FBXO31: variants seen among roughly 807,000 people sequenced by gnomAD.
FBXO31 encodes the protein F-box only protein 31.
FBXO31 carries 24 observed loss-of-function variants against 54.4 expected under a neutral mutation model. That is an observed-to-expected ratio of 0.44 (90% CI 0.32 to 0.62). The LOEUF (loss-of-function observed/expected upper bound fraction) is 0.62. Among genes scored for constraint, FBXO31 ranks in the 20% least tolerant of loss-of-function variants. The pLI, the probability that FBXO31 is intolerant of heterozygous loss-of-function variation, is 0.05. For synonymous variants in FBXO31, 388 were observed against 335.6 expected (o/e 1.16, Z -1.71); for missense variants, 665 against 787.1 (o/e 0.84, Z 1.86).
chr16:87,356,701 G>C (rs1233650354), intron 2 of FBXO31, among the ~76,000 whole-genome samples: 1 of 152,190 alleles, frequency 6.6e-6, no homozygotes, highest in Non-Finnish European at 1.5e-5. Flanking sequence ...AGGACATTAG[G>C]TGAAATTACT....
intron 1 of FBXO31, among the ~76,000 whole-genome samples, chr16:87,382,585 C>T (rs1680152450): frequency 6.6e-6 from 1 of 152,310 alleles, no homozygotes. Context: ...TCTACGCCCC[C>T]ACCATCAGGA....
chr16:87,380,703 G>A lies in FBXO31; in HGVS notation c.340+2702C>T, dbSNP rs1478408203. Among the ~76,000 whole-genome samples, 3 of 152,310 alleles carry A rather than the reference G, an allele frequency of 2.0e-5. No homozygotes were observed. In the East Asian group the frequency reaches 5.8e-4, roughly 29 times the overall value. On this transcript the variant is annotated intron_variant, in intron 1 of 8. Transcript: ENST00000311635. ...ATTCTCACGTTAGCAGGTCACTTGG[G>A]TGAACAAGATGCTTTCATTCTACAT...
intron 3 of FBXO31, among the ~76,000 whole-genome samples, chr16:87,344,721 G>A (rs1051013923): frequency 3.9e-5 from 6 of 151,972 alleles, no homozygotes; most frequent in African/African-American, 1.5e-4. Context: ...AAAGCAATCT[G>A]CCCACCCTGT....
chr16:87,387,199 C>A (rs983618603), upstream of FBXO31, among the ~76,000 whole-genome samples: 2 of 152,016 alleles, frequency 1.3e-5, no homozygotes, highest in Non-Finnish European at 2.9e-5. Context: ...TGGGAAGGAA[C>A]CCAAGGGGAA....
intron 1 of FBXO31, among the ~76,000 whole-genome samples, chr16:87,377,098 G>A (rs181851268): frequency 2.0e-5 from 3 of 152,354 alleles, no homozygotes; most frequent in Admixed American, 6.5e-5. Context: ...TAACTTTGGG[G>A]TGTAAACTGA....
chr16:87,354,975 A>C (rs1180646923), intron 2 of FBXO31, among the ~76,000 whole-genome samples: 1 of 152,208 alleles, frequency 6.6e-6, no homozygotes, highest in African/African-American at 2.4e-5. Context: ...TCTCAAAAAA[A>C]TAAAAATAAA....
chr16:87,337,448 T>G (rs1484241045), intron 5 of FBXO31, among the ~76,000 whole-genome samples: 1 of 152,148 alleles, frequency 6.6e-6, no homozygotes, highest in Non-Finnish European at 1.5e-5. Context: ...CTGAAATTCC[T>G]ACGGAAAAGC....
At chr16:87,348,478 C>G (rs1350697071) in intron 2 of FBXO31, among the ~76,000 whole-genome samples, 2 of 152,188 alleles carry the variant, frequency 1.3e-5, no homozygotes, top group Non-Finnish European at 2.9e-5. Flanking sequence ...GCCTGGGCCC[C>G]CTAATGGTAG....
intron 2 of FBXO31, among the ~76,000 whole-genome samples, chr16:87,349,346 C>T (rs1423250230): frequency 6.6e-6 from 1 of 152,180 alleles, no homozygotes; most frequent in Non-Finnish European, 1.5e-5. Flanking sequence ...CCAGTGGCAG[C>T]TGACACAACC....
intron 3 of FBXO31, among the ~76,000 whole-genome samples, chr16:87,344,070 G>A (rs9934968): frequency 0.027 from 4,045 of 152,344 alleles, 175 homozygotes; most frequent in African/African-American, 0.092. Context: ...CAAGGGCCTC[G>A]TTCGCGTCCT....
intron 7 of FBXO31, 144 bp from the exon 8 acceptor site, chr16:87,334,430 A>T (rs962479290): frequency 1.4e-4 from 103 of 723,990 alleles, no homozygotes; most frequent in South Asian, 2.4e-4. Flanking sequence ...ACAGAAGAAG[A>T]AGTCTCAGAA....
At position 87,328,377 on chromosome 16, in the gene FBXO31, G is replaced by C. The variant is rs1904724304; in HGVS notation, c.*2911C>G. The C allele has an allele frequency of 6.6e-6, 1 of 152,444 alleles. No homozygotes were observed. Among genetic ancestry groups the C allele is most frequent in the Non-Finnish European group, 1.5e-5 (1 of 68,204 alleles). The allele number at this position is 152,444 out of a possible 1,614,324, so 9.4% of individuals were successfully genotyped here. ...TAGGGGCACAGGTGCCCAGTGTCAGGGCAGGGATGCCACAGAGCCGCAGGC... is the reference window on the plus strand; with the variant it reads ...TAGGGGCACAGGTGCCCAGTGTCAGCGCAGGGATGCCACAGAGCCGCAGGC... On this transcript the variant is annotated 3_prime_UTR_variant, in exon 9 of 9. Coordinates refer to ENST00000311635, the MANE Select transcript of FBXO31 (RefSeq NM_024735.5).
rs1906973257 is a variant in FBXO31, at chr16:87,379,387, A to G, written c.340+4018T>C. Among the ~76,000 whole-genome samples the G allele has an allele frequency of 2.0e-5, 3 of 152,318 alleles. 1 individual carries two copies. The South Asian group carries it at 6.2e-4, about 32-fold the overall frequency. The stretch of plus-strand genomic sequence containing the variant: ...GAGGCAGAGGGCATGGGGTAGGTAC[A>G]AGGAGTGTGGAGGAATTCATCTTAA... On this transcript the variant is annotated intron_variant, in intron 1 of 8. Transcript: ENST00000311635.
At position 87,353,458 on chromosome 16, in the gene FBXO31, T is replaced by C. The variant is rs1000644388; in HGVS notation, c.413-6208A>G. ...AGATGTAATGTAGCCGTGAGCACGTTAGGGTAAACGAATGCTTGCGCAGAA... is the reference window on the plus strand; with the variant it reads ...AGATGTAATGTAGCCGTGAGCACGTCAGGGTAAACGAATGCTTGCGCAGAA... On this transcript the variant is annotated intron_variant, in intron 2 of 8. Coordinates refer to ENST00000311635, the MANE Select transcript of FBXO31 (RefSeq NM_024735.5). Among the ~76,000 whole-genome samples, 21 of 152,292 alleles carry C rather than the reference T, an allele frequency of 1.4e-4. 1 individual carries two copies. The highest frequency in any genetic ancestry group is 1.2e-3 in the Admixed American group (18 of 15,304).
upstream of FBXO31, among the ~76,000 whole-genome samples, chr16:87,390,725 T>G (rs1907505038): frequency 6.6e-6 from 1 of 151,998 alleles, no homozygotes; most frequent in South Asian, 2.1e-4. Context: ...CAGGCATGAG[T>G]CGCCGCACCT....
chr16:87,368,911 T>G lies in FBXO31; in HGVS notation c.341-8545A>C, dbSNP rs1906479894. Among the ~76,000 whole-genome samples the G allele has an allele frequency of 3.3e-5, 5 of 152,268 alleles. No homozygotes were observed. The South Asian group carries it at 6.2e-4, about 19-fold the overall frequency. ...ACCTCCCAAGTTCAAGTGATTCTCC[T>G]GCCTCAGCCTACCAAGTAGCTGGGA... On this transcript the variant is annotated intron_variant, in intron 1 of 8. Transcript: ENST00000311635.
At chr16:87,344,933 A>G (rs1482463101) in intron 3 of FBXO31, among the ~76,000 whole-genome samples, 1 of 140,964 alleles carries the variant, frequency 7.1e-6, no homozygotes, top group African/African-American at 2.6e-5. Context: ...CTGGGGGCAG[A>G]GCCCATCCCT....
intron 8 of FBXO31, among the ~76,000 whole-genome samples, chr16:87,333,213 C>A (rs769412053): frequency 6.6e-6 from 1 of 152,236 alleles, no homozygotes; most frequent in African/African-American, 2.4e-5. Flanking sequence ...CAGGAGCTGG[C>A]AGCTGTGCAA....
chr16:87,380,054 C>A (rs1366577785), intron 1 of FBXO31, among the ~76,000 whole-genome samples: 1 of 144,644 alleles, frequency 6.9e-6, no homozygotes, highest in African/African-American at 2.6e-5. Context: ...AATCCCAGCA[C>A]TTTGGGAGGC....
Sources: allele counts gnomAD v4.1 joint callset (sites outside exome capture counted in the v4.1 genomes callset), GRCh38; gene constraint gnomAD v4.1.1; transcripts MANE v1.5; gene names NCBI Gene and HGNC (gene_info 2026-07-23, HGNC 2026-07-21).